BTBD2: variants seen among roughly 807,000 people sequenced by gnomAD.
BTBD2 encodes the protein BTB domain containing 2.
In BTBD2, 15 loss-of-function variants were observed where a neutral mutation model predicts 44.0. That is an observed-to-expected ratio of 0.34 (90% CI 0.23 to 0.53). BTBD2 has a LOEUF of 0.53. BTBD2 is among the 20% of genes least tolerant of loss of function. The pLI, the probability that BTBD2 is intolerant of heterozygous loss-of-function variation, is 0.95. For synonymous variants in BTBD2, 443 were observed against 335.9 expected, an observed-to-expected ratio of 1.32 and a Z score of -3.49; for missense variants, 657 against 746.4, an observed-to-expected ratio of 0.88 and a Z score of 1.39.
intron 1 of BTBD2, among the ~76,000 whole-genome samples, chr19:2,005,610 C>T (rs72979672): frequency 6.6e-6 from 1 of 151,552 alleles, no homozygotes; most frequent in Non-Finnish European, 1.5e-5. Context: ...GATGAAACGC[C>T]ATCTCTCCTA....
At chr19:2,014,863 G>A (rs993768587) in intron 1 of BTBD2, among the ~76,000 whole-genome samples, 1 of 151,498 alleles carries the variant, frequency 6.6e-6, no homozygotes, top group Admixed American at 6.6e-5. Flanking sequence ...GCAAGCCAGA[G>A]GTGGAGGATC....
intron 1 of BTBD2, among the ~76,000 whole-genome samples, chr19:2,009,563 G>A (rs894085943): frequency 1.3e-5 from 2 of 151,202 alleles, no homozygotes; most frequent in African/African-American, 4.9e-5. Context: ...ATAAAGATAC[G>A]TTAGGCTGGG....
In BTBD2 at chr19:2,010,643, C is replaced by CT. The variant is rs538078810; in HGVS notation, c.407+4653dup. 2.0e-3 allele frequency among the ~76,000 whole-genome samples: 293 copies of CT among 145,448 alleles called. 3 individuals carry two copies. Among genetic ancestry groups the CT allele is most frequent in the South Asian group, 4.3e-3 (20 of 4,612 alleles). Reference sequence around the variant, plus strand: ...CCAGTTCGTCCCGACATCCCCCCACCTTTTTTTTTTTTTTGAGACGGAGTC... The same window carrying CT: ...CCAGTTCGTCCCGACATCCCCCCACCTTTTTTTTTTTTTTTGAGACGGAGTC... On this transcript the variant is annotated intron_variant, in intron 1 of 8. Transcript: ENST00000255608.
intron 1 of BTBD2, among the ~76,000 whole-genome samples, chr19:2,012,493 T>C (rs1052565140): frequency 2.0e-5 from 3 of 152,210 alleles, no homozygotes; most frequent in African/African-American, 4.8e-5. Flanking sequence ...CAGCCTGTTA[T>C]TGTGAGAACA....
intron 1 of BTBD2, among the ~76,000 whole-genome samples, chr19:2,000,701 C>T (rs1008577157): frequency 1.3e-5 from 2 of 152,180 alleles, no homozygotes; most frequent in African/African-American, 4.8e-5. Context: ...CTTCCCCTTC[C>T]AAACAAATCG....
chr19:1,998,243 C>A (rs1474675423), intron 1 of BTBD2, among the ~76,000 whole-genome samples: 1 of 152,236 alleles, frequency 6.6e-6, no homozygotes. Context: ...CAGCTACAGG[C>A]ACAGGGCCTG....
intron 1 of BTBD2, among the ~76,000 whole-genome samples, chr19:2,015,074 G>C (rs2016515710): frequency 6.6e-6 from 1 of 151,230 alleles, no homozygotes; most frequent in Admixed American, 6.6e-5. Flanking sequence ...CCCAGGGACA[G>C]AGGGGTGCAG....
In BTBD2 at chr19:1,993,137, C is replaced by T. The variant is rs1219138980; in HGVS notation, c.567G>A (p.Thr189=). Residue 189 remains threonine (T), a synonymous_variant, in exon 3 of 9, where the codon ACG becomes ACA. Coordinates refer to ENST00000255608, the MANE Select transcript of BTBD2 (RefSeq NM_017797.4). ...YSDEVQIGPE[T]VMTTLYTAKK... is the part of the protein sequence containing the mutation. The stretch of plus-strand genomic sequence containing the variant: ...TGGCGGTGTATAGCGTGGTCATCAC[C>T]GTCTCCGGGCCAATCTGCACCTCGT... 1.2e-6 allele frequency: 2 copies of T among 1,606,590 alleles called. No homozygotes were observed. Among genetic ancestry groups the T allele is most frequent in the Non-Finnish European group, 1.7e-6 (2 of 1,179,702 alleles).
chr19:2,004,313 G>A (rs2016367292), intron 1 of BTBD2, among the ~76,000 whole-genome samples: 2 of 147,384 alleles, frequency 1.4e-5, no homozygotes, highest in Non-Finnish European at 1.5e-5. Flanking sequence ...TTTTGAGATG[G>A]AGTTTCACTA....
chr19:1,992,776 TG>T (rs2016196879), intron 3 of BTBD2, among the ~76,000 whole-genome samples: 1 of 152,112 alleles, frequency 6.6e-6, no homozygotes, highest in Non-Finnish European at 1.5e-5. Context: ...TTCGCCATGT[TG>T]GCCAGGCTGG....
In BTBD2 at chr19:1,990,578, A is replaced by G. The variant is rs1037277705; in HGVS notation, c.790+139T>C. On this transcript the variant is annotated intron_variant, in intron 4 of 8. Coordinates refer to ENST00000255608, the MANE Select transcript of BTBD2 (RefSeq NM_017797.4). Reference sequence around the variant, plus strand: ...TCCCGTGGGGCTGTGCTAGGACCCAAACTCCTGACCTGCTGCAAGTGGTGA... The same window carrying G: ...TCCCGTGGGGCTGTGCTAGGACCCAGACTCCTGACCTGCTGCAAGTGGTGA... 13 of 822,304 alleles carry G rather than the reference A, an allele frequency of 1.6e-5. No homozygotes were observed. In the Admixed American group the frequency reaches 1.8e-4, roughly 11 times the overall value. The allele number at this position is 822,304 out of a possible 1,614,324, so 50.9% of individuals were successfully genotyped here.
At position 1,986,592 on chromosome 19, in the gene BTBD2, T is replaced by A. The variant is rs770217122; in HGVS notation, c.1474A>T (p.Thr492Ser). ...GTGAAGCAGGTCTTGGCGCCCGTGG[T>A]GGGCGACTCGTGTGTCACCTTGCGC... ...GLRKVTHESP[T>S]TGAKTCFTFC... Residue 492 changes from threonine (T) to serine (S), a missense_variant, in exon 9 of 9, where the codon ACC (threonine) becomes TCC (serine). Physicochemically the swap from Thr to Ser is moderately conservative, Grantham distance 58. This residue lies in a region of BTBD2 where 449 missense variants were observed against 510.9 expected (regional missense o/e 0.88). Transcript: ENST00000255608. The A allele has an allele frequency of 6.2e-7, 1 of 1,613,934 alleles. No homozygotes were observed. Among genetic ancestry groups the A allele is most frequent in the Non-Finnish European group, 8.5e-7 (1 of 1,179,898 alleles).
At chr19:1,992,881 T>G in intron 3 of BTBD2, 139 bp downstream of exon 3, 1 of 881,838 alleles carries the variant, frequency 1.1e-6, no homozygotes, top group Non-Finnish European at 1.5e-6. Context: ...CCAAAACACA[T>G]TTTACTACCA....
At chr19:1,990,343 G>T in intron 4 of BTBD2, 142 bp from the exon 5 acceptor site, 1 of 854,198 alleles carries the variant, frequency 1.2e-6, no homozygotes, top group Non-Finnish European at 1.8e-6. Flanking sequence ...CTGTGAGTGT[G>T]TTTATAAATA....
chr19:2,013,018 C>T (rs770996080), intron 1 of BTBD2, among the ~76,000 whole-genome samples: 1 of 152,148 alleles, frequency 6.6e-6, no homozygotes, highest in Non-Finnish European at 1.5e-5. Context: ...AGGAGAGGCC[C>T]AGCAGCTAAG....
At chr19:1,996,799 A>C (rs2016257276) in intron 2 of BTBD2, among the ~76,000 whole-genome samples, 1 of 152,066 alleles carries the variant, frequency 6.6e-6, no homozygotes, top group African/African-American at 2.4e-5. Context: ...TTGAACCAGG[A>C]AGTCGGAGGT....
At chr19:2,004,754 G>T (rs2016373461) in intron 1 of BTBD2, among the ~76,000 whole-genome samples, 1 of 151,426 alleles carries the variant, frequency 6.6e-6, no homozygotes. Context: ...CAAGGCAGGA[G>T]GATCACTTGA....
chr19:2,007,491 A>G (rs1599359747), intron 1 of BTBD2, among the ~76,000 whole-genome samples: 1 of 152,152 alleles, frequency 6.6e-6, no homozygotes, highest in South Asian at 2.1e-4. Context: ...CACACAGTCA[A>G]GGTCTCACTA....
chr19:1,998,798 C>T (rs2016286068), intron 1 of BTBD2, among the ~76,000 whole-genome samples: 1 of 152,140 alleles, frequency 6.6e-6, no homozygotes, highest in Admixed American at 6.5e-5. Context: ...AGCAGGGGCA[C>T]AGACGCTGGT....
Sources: allele counts gnomAD v4.1 joint callset (sites outside exome capture counted in the v4.1 genomes callset), GRCh38; gene constraint gnomAD v4.1.1; regional missense constraint gnomAD v4.1.1; transcripts MANE v1.5; gene names NCBI Gene and HGNC (gene_info 2026-07-23, HGNC 2026-07-21).